PLA2R1: variants seen among roughly 807,000 people sequenced by gnomAD.
PLA2R1 encodes the protein phospholipase A2 receptor 1.
In PLA2R1, 158 loss-of-function variants were observed where a neutral mutation model predicts 195.9. The observed-to-expected ratio is 0.81, with a 90% CI of 0.71 to 0.92. The LOEUF (loss-of-function observed/expected upper bound fraction) is 0.92. Among genes scored for constraint, PLA2R1 ranks in the 40% least tolerant of loss-of-function variants. The pLI, the probability that PLA2R1 is intolerant of heterozygous loss-of-function variation, is 0.00. For synonymous variants in PLA2R1, 586 were observed against 598.2 expected (o/e 0.98, Z 0.30); for missense variants, 1,626 against 1,764.6 (o/e 0.92, Z 1.41).
Position 160,062,474 on chromosome 2 carries a change from C to G in PLA2R1, c.-71G>C. On this transcript the variant is annotated 5_prime_UTR_variant, in exon 1 of 30. Coordinates refer to ENST00000283243, the MANE Select transcript of PLA2R1 (RefSeq NM_007366.5). Reference sequence around the variant, plus strand: ...TTATCCCGGGAGCCCAGAGCCGCGTCCCAAGCACCCGGCCCCGCCGCGCGG... The same window carrying G: ...TTATCCCGGGAGCCCAGAGCCGCGTGCCAAGCACCCGGCCCCGCCGCGCGG... 2.8e-6 allele frequency: 4 copies of G among 1,452,206 alleles called. No individual in the cohort carries two copies. Among genetic ancestry groups the G allele is most frequent in the African/African-American group, 1.5e-5 (1 of 66,360 alleles). 90.0% of individuals were successfully genotyped at this position (1,452,206 alleles called of 1,614,324 possible). A position where few individuals can be genotyped will look rare whatever the true frequency, so the allele number is the denominator to read the frequency against.
chr2:160,062,601 G>C lies in PLA2R1; in HGVS notation c.-198C>G, dbSNP rs1275410584. Reference sequence around the variant, plus strand: ...GCCACCGCTGTCTCCACAGTGAACCGACACTCGGGGCTCTGGGCTGGGATG... The same window carrying C: ...GCCACCGCTGTCTCCACAGTGAACCCACACTCGGGGCTCTGGGCTGGGATG... On this transcript the variant is annotated 5_prime_UTR_variant, in exon 1 of 30. Coordinates refer to ENST00000283243, the MANE Select transcript of PLA2R1 (RefSeq NM_007366.5). 3.2e-6 allele frequency: 3 copies of C among 949,610 alleles called. No individual in the cohort carries two copies. The highest frequency in any genetic ancestry group is 3.4e-5 in the African/African-American group (2 of 57,972). 58.8% of individuals were successfully genotyped at this position (949,610 alleles called of 1,614,324 possible). A position where few individuals can be genotyped will look rare whatever the true frequency, so the allele number is the denominator to read the frequency against.
chr2:159,963,710 G>T (rs530721734), intron 20 of PLA2R1, among the ~76,000 whole-genome samples: 1 of 152,254 alleles, frequency 6.6e-6, no homozygotes, highest in African/African-American at 2.4e-5. Context: ...CGTGTTCTAG[G>T]ATGGCTATAT....
intron 11 of PLA2R1, among the ~76,000 whole-genome samples, chr2:160,005,148 A>G (rs902025168): frequency 6.6e-6 from 1 of 152,160 alleles, no homozygotes; most frequent in African/African-American, 2.4e-5. Flanking sequence ...ACTCATACGG[A>G]TTATACTTTT....
rs1036482806 is a variant in PLA2R1, at chr2:159,942,275, G to A, written c.4145-116C>T. The A allele has an allele frequency of 9.4e-6, 7 of 744,398 alleles. No homozygotes were observed. In the Middle Eastern group the frequency reaches 1.9e-3, roughly 202 times the overall value. 46.1% of individuals were successfully genotyped at this position (744,398 alleles called of 1,614,324 possible). On this transcript the variant is annotated intron_variant, in intron 28 of 29. Coordinates refer to ENST00000283243, the MANE Select transcript of PLA2R1 (RefSeq NM_007366.5). ...CCATGACCCTATTTTTATAAAAAAT[G>A]TTTTACTGGAACTTAGCCACACTCA...
At chr2:160,055,511 GGAGTTGCA>G (rs1484035703) in intron 1 of PLA2R1, among the ~76,000 whole-genome samples, 3 of 152,202 alleles carry the variant, frequency 2.0e-5, no homozygotes, top group Non-Finnish European at 4.4e-5. Context: ...TGGAAAAGGA[GGAGTTGCA>G]GAGAACAAGA....
chr2:160,002,412 G>C (rs897969701), intron 11 of PLA2R1, among the ~76,000 whole-genome samples: 11 of 151,900 alleles, frequency 7.2e-5, no homozygotes, highest in Admixed American at 6.6e-4. Flanking sequence ...AATGTTTACT[G>C]TATATATAGT....
rs1375305132 is a variant in PLA2R1 at position 159,935,307 on chromosome 2, C to T, written c.*6471G>A. ...TTCTGTTTTTCCTCAAACATTCACC[C>T]ACTAACTTTTGCACCAACTGGTAGG... On this transcript the variant is annotated 3_prime_UTR_variant, in exon 30 of 30. Transcript: ENST00000283243. 6.6e-6 allele frequency: 1 copy of T among 152,182 alleles called. No homozygotes were observed. Among genetic ancestry groups the T allele is most frequent in the African/African-American group, 2.4e-5 (1 of 41,434 alleles). The allele number at this position is 152,182 out of a possible 1,614,324, so 9.4% of individuals were successfully genotyped here. A position where few individuals can be genotyped will look rare whatever the true frequency, so the allele number is the denominator to read the frequency against.
At chr2:160,020,595 G>A (rs531013586) in intron 7 of PLA2R1, among the ~76,000 whole-genome samples, 2 of 152,188 alleles carry the variant, frequency 1.3e-5, no homozygotes, top group South Asian at 4.2e-4. Context: ...TAGTTCTCAT[G>A]GGAATGGTAC....
chr2:160,013,751 G>GTGTGTGTC (rs1486424551), intron 9 of PLA2R1, among the ~76,000 whole-genome samples: 3 of 129,870 alleles, frequency 2.3e-5, no homozygotes, highest in South Asian at 2.6e-4. Flanking sequence ...GTGTGTGTGT[G>GTGTGTGTC]TCTCTCTCTC....
At chr2:160,050,855 C>T (rs1302569751) in intron 1 of PLA2R1, among the ~76,000 whole-genome samples, 1 of 152,292 alleles carries the variant, frequency 6.6e-6, no homozygotes, top group East Asian at 1.9e-4. Flanking sequence ...TCTGTGTGAA[C>T]AGCAGACTGG....
chr2:160,025,786 A>G (rs1487073228), intron 6 of PLA2R1, among the ~76,000 whole-genome samples: 2 of 152,160 alleles, frequency 1.3e-5, no homozygotes, highest in African/African-American at 4.8e-5. Context: ...ACCTATCGGA[A>G]TAATTACTCT....
Position 159,948,835 on chromosome 2 carries a change from A to C in PLA2R1, c.3709+773T>G, listed in dbSNP as rs569494027. Reference sequence around the variant, plus strand: ...GTAAGTAAATACATGCACTTTTACTAAATGAGAGATTTAAAAGGAGGCCAG... The same window carrying C: ...GTAAGTAAATACATGCACTTTTACTCAATGAGAGATTTAAAAGGAGGCCAG... On this transcript the variant is annotated intron_variant, in intron 25 of 29. Transcript: ENST00000283243. 1.4e-3 allele frequency among the ~76,000 whole-genome samples: 220 copies of C among 152,332 alleles called. No individual in the cohort carries two copies. In the South Asian group the frequency reaches 0.02, roughly 14 times the overall value.
In PLA2R1 at chr2:159,991,139, G is replaced by A. The variant is rs764417889; in HGVS notation, c.1835-3781C>T. Reference sequence around the variant, plus strand: ...AGCAGTTGAATAAATGAATGAATGAGTTCCCCTAAAATTATGCTCCTGTCC... The same window carrying A: ...AGCAGTTGAATAAATGAATGAATGAATTCCCCTAAAATTATGCTCCTGTCC... On this transcript the variant is annotated intron_variant, in intron 11 of 29. Transcript: ENST00000283243. 2.0e-5 allele frequency among the ~76,000 whole-genome samples: 3 copies of A among 152,334 alleles called. No homozygotes were observed. The East Asian group carries it at 5.8e-4, about 29-fold the overall frequency.
chr2:160,017,523 G>T lies in PLA2R1; in HGVS notation c.1453-811C>A, dbSNP rs1336675662. The stretch of plus-strand genomic sequence containing the variant: ...CCATGAAACACCCTAGGTAATATTG[G>T]CATAGCTGAAACTCATGTTCACCCT... On this transcript the variant is annotated intron_variant, in intron 8 of 29. Transcript: ENST00000283243. Among the ~76,000 whole-genome samples the T allele has an allele frequency of 3.9e-5, 6 of 152,076 alleles. No individual in the cohort carries two copies. The South Asian group carries it at 8.3e-4, about 21-fold the overall frequency.
intron 3 of PLA2R1, among the ~76,000 whole-genome samples, 177 bp downstream of exon 3, chr2:160,041,848 T>C (rs1360757013): frequency 1.3e-5 from 2 of 152,198 alleles, no homozygotes; most frequent in Admixed American, 6.5e-5. Flanking sequence ...AGAATATATA[T>C]TAGAATTGTC....
In PLA2R1 at chr2:159,946,981, T is replaced by C. The variant is rs1267138520; in HGVS notation, c.3851-64A>G. 5 of 981,934 alleles carry C rather than the reference T, an allele frequency of 5.1e-6. No individual in the cohort carries two copies. In the Admixed American group the frequency reaches 1.0e-4, roughly 20 times the overall value. 60.8% of individuals were successfully genotyped at this position (981,934 alleles called of 1,614,324 possible). On this transcript the variant is annotated intron_variant, in intron 26 of 29. Coordinates refer to ENST00000283243, the MANE Select transcript of PLA2R1 (RefSeq NM_007366.5). ...ACACATAAATATACTTTAAAAAATGTTTCCTATACTATTAATTGTAAAGCT... is the reference window on the plus strand; with the variant it reads ...ACACATAAATATACTTTAAAAAATGCTTCCTATACTATTAATTGTAAAGCT...
chr2:159,993,453 TACAC>T (rs3063677), intron 11 of PLA2R1, among the ~76,000 whole-genome samples: 45 of 148,314 alleles, frequency 3.0e-4, no homozygotes, highest in African/African-American at 7.4e-4. Flanking sequence ...GTGTTTAATT[TACAC>T]ACACACACAC....
chr2:159,994,362 G>A (rs1489341725), intron 11 of PLA2R1, among the ~76,000 whole-genome samples: 3 of 152,064 alleles, frequency 2.0e-5, no homozygotes, highest in Non-Finnish European at 4.4e-5. Context: ...GAAACACAGA[G>A]ATGAAAACAG....
chr2:160,001,107 A>G (rs1439119467), intron 11 of PLA2R1, among the ~76,000 whole-genome samples: 1 of 152,126 alleles, frequency 6.6e-6, no homozygotes, highest in East Asian at 1.9e-4. Flanking sequence ...CTAGTATATG[A>G]ATACATCTAA....
Sources: allele counts gnomAD v4.1 joint callset (sites outside exome capture counted in the v4.1 genomes callset), GRCh38; gene constraint gnomAD v4.1.1; transcripts MANE v1.5; gene names NCBI Gene and HGNC (gene_info 2026-07-23, HGNC 2026-07-21).